The following NUP153 variants were observed in gnomAD, a reference collection of about 807,000 sequenced individuals.
NUP153 encodes the protein nuclear pore complex protein Nup153.
NUP153 carries 27 observed loss-of-function variants against 134.6 expected under a neutral mutation model. That is an observed-to-expected ratio of 0.20 (90% CI 0.15 to 0.28). The LOEUF is 0.28. Ranked by LOEUF, NUP153 falls within the 10% of genes least tolerant of loss-of-function variation. The pLI, the probability that NUP153 is intolerant of heterozygous loss-of-function variation, is 1.00. For synonymous variants in NUP153, 640 were observed against 623.5 expected (o/e 1.03, Z -0.40); for missense variants, 1,821 against 1,731.3 (o/e 1.05, Z -0.92).
At chr6:17,661,502 T>G (rs1320769406) in intron 11 of NUP153, 151 bp downstream of exon 11, 2 of 626,750 alleles carry the variant, frequency 3.2e-6, no homozygotes, top group Admixed American at 3.0e-5. Flanking sequence ...CTAGATTAGG[T>G]TTTCAGCATG....
At chr6:17,688,117 C>CA (rs1297869640) in intron 2 of NUP153, among the ~76,000 whole-genome samples, 6 of 149,346 alleles carry the variant, frequency 4.0e-5, no homozygotes, top group African/African-American at 1.2e-4. Flanking sequence ...GACTCCGTCT[C>CA]AAAAAACAAA....
chr6:17,700,116 T>C (rs1769952905), intron 1 of NUP153, among the ~76,000 whole-genome samples: 1 of 152,112 alleles, frequency 6.6e-6, no homozygotes, highest in Non-Finnish European at 1.5e-5. Context: ...AGCAGGAAAA[T>C]TCAGAGACAA....
chr6:17,652,030 A>G (rs1766521561), intron 11 of NUP153: 3 of 407,330 alleles, frequency 7.4e-6, no homozygotes, highest in African/African-American at 6.1e-5. Flanking sequence ...AGCCTGGGTG[A>G]CAGAGTGACA....
At position 17,665,289 on chromosome 6, in the gene NUP153, G is replaced by C; in HGVS notation, c.1165C>G (p.Pro389Ala). 6.2e-7 allele frequency: 1 copy of C among 1,611,748 alleles called. No individual in the cohort carries two copies. The change falls in exon 9 of 22, where the codon CCT becomes GCT. Residue 389 changes from proline to alanine, a missense_variant. Coordinates refer to ENST00000262077, the MANE Select transcript of NUP153 (RefSeq NM_005124.4). Reference protein sequence around the residue: ...RSVYFKPSLTPSGEFRKTNQR... With the variant: ...RSVYFKPSLTASGEFRKTNQR... ...TTAGTCTTCCTGAATTCACCAGAAG[G>C]AGTCAGAGATGGTTTAAAATAAACA... is the stretch of plus-strand genomic sequence containing the variant.
intron 20 of NUP153, among the ~76,000 whole-genome samples, chr6:17,623,861 A>G (rs1055188769): frequency 2.6e-5 from 4 of 152,220 alleles, no homozygotes; most frequent in African/African-American, 9.6e-5. Context: ...ATAAAACCCA[A>G]AGAACAGTGA....
At chr6:17,647,470 C>T (rs550289939) in intron 13 of NUP153, among the ~76,000 whole-genome samples, 1 of 152,134 alleles carries the variant, frequency 6.6e-6, no homozygotes, top group South Asian at 2.1e-4. Context: ...TGGACCATGT[C>T]GTTATTATAT....
intron 2 of NUP153, among the ~76,000 whole-genome samples, chr6:17,681,519 T>A (rs200208320): frequency 2.0e-5 from 3 of 151,706 alleles, no homozygotes; most frequent in African/African-American, 7.3e-5. Flanking sequence ...CAGATGGAGG[T>A]TGCAGTGAGC....
At chr6:17,639,901 AGTTTGTAAT>A in intron 15 of NUP153, 29 bp downstream of exon 15, 2 of 1,562,730 alleles carry the variant, frequency 1.3e-6, no homozygotes, top group Non-Finnish European at 1.7e-6. Context: ...TGAGATCATG[AGTTTGTAAT>A]CAAAAGGCTT....
Position 17,629,214 on chromosome 6 carries a change from T to C in NUP153, c.2985A>G (p.Leu995=). 6 of 1,613,570 alleles carry C rather than the reference T, an allele frequency of 3.7e-6. No individual in the cohort carries two copies. The highest frequency in any genetic ancestry group is 4.2e-6 in the Non-Finnish European group (5 of 1,179,862). The change falls in exon 18 of 22, where the codon TTA becomes TTG. Residue 995 remains leucine, a synonymous_variant. Coordinates refer to ENST00000262077, the MANE Select transcript of NUP153 (RefSeq NM_005124.4). ...LSSGLSNPVS[L]TPFQFGVSNL... is the part of the protein sequence containing the mutation. ...TAGATACCCCAAATTGAAATGGAGT[T>C]AAAGAAACTGGGTTGCTTAAACCAG...
At chr6:17,645,010 G>A (rs1019837111) in intron 14 of NUP153, among the ~76,000 whole-genome samples, 1 of 152,086 alleles carries the variant, frequency 6.6e-6, no homozygotes, top group Non-Finnish European at 1.5e-5. Context: ...GCATGAACCT[G>A]GGAGGCGGAG....
intron 20 of NUP153, among the ~76,000 whole-genome samples, chr6:17,619,124 G>A (rs1222760420): frequency 2.6e-5 from 4 of 152,174 alleles, no homozygotes; most frequent in Non-Finnish European, 5.9e-5. Context: ...ATTCCAGAAA[G>A]AAGAAACAGG....
intron 1 of NUP153, among the ~76,000 whole-genome samples, chr6:17,691,465 A>T (rs1210702220): frequency 6.6e-6 from 1 of 152,108 alleles, no homozygotes; most frequent in Admixed American, 6.6e-5. Context: ...GCTATAATAC[A>T]GTTTAAGACA....
chr6:17,632,686 C>T lies in NUP153; in HGVS notation c.2623G>A (p.Glu875Lys), dbSNP rs1396159923. ...KADSTKCLACESAKPGTKSGF... is the reference protein window; with the variant it reads ...KADSTKCLACKSAKPGTKSGF... ...GATTTTGTGCCTGGCTTTGCACTTT[C>T]ACATGCCAAACATTTGGTAGAGTCT... The change falls in exon 17 of 22, where the codon GAA becomes AAA. Residue 875 changes from glutamate (E) to lysine (K), a missense_variant. Glu to Lys is a moderately conservative substitution (Grantham distance 56). Transcript: ENST00000262077. 6.2e-7 allele frequency: 1 copy of T among 1,612,036 alleles called. No homozygotes were observed. The highest frequency in any genetic ancestry group is 8.5e-7 in the Non-Finnish European group (1 of 1,179,446).
chr6:17,669,278 T>TA lies in NUP153; in HGVS notation c.1014+14dup, dbSNP rs1767749842. Reference sequence around the variant, plus strand: ...ATGAACAATATTTTGTAAAAAGGTTTAAATCTCAACTTACAGAATTCAGAG... The same window carrying TA: ...ATGAACAATATTTTGTAAAAAGGTTTAAAATCTCAACTTACAGAATTCAGAG... On this transcript the variant is annotated intron_variant, in intron 7 of 21. Coordinates refer to ENST00000262077, the MANE Select transcript of NUP153 (RefSeq NM_005124.4). 2 of 1,604,890 alleles carry TA rather than the reference T, an allele frequency of 1.2e-6. No individual in the cohort carries two copies. The highest frequency in any genetic ancestry group is 4.5e-5 in the East Asian group (2 of 44,816).
At chr6:17,643,426 TG>T (rs1418096883) in intron 14 of NUP153, among the ~76,000 whole-genome samples, 3 of 152,194 alleles carry the variant, frequency 2.0e-5, no homozygotes, top group Non-Finnish European at 1.5e-5. Flanking sequence ...GAGCTGAGAT[TG>T]TGCAACTGCA....
At chr6:17,690,031 T>C (rs961971405) in intron 1 of NUP153, among the ~76,000 whole-genome samples, 2 of 152,066 alleles carry the variant, frequency 1.3e-5, no homozygotes, top group African/African-American at 4.8e-5. Context: ...TTGCCCAAAG[T>C]AGAAACACAA....
At chr6:17,642,624 T>C (rs969910919) in intron 14 of NUP153, among the ~76,000 whole-genome samples, 3 of 152,244 alleles carry the variant, frequency 2.0e-5, no homozygotes, top group Admixed American at 6.5e-5. Flanking sequence ...GAAAACAGTT[T>C]AGTGATTCTT....
At chr6:17,689,408 T>C (rs1006683589) in intron 1 of NUP153, among the ~76,000 whole-genome samples, 5 of 147,446 alleles carry the variant, frequency 3.4e-5, no homozygotes, top group East Asian at 4.3e-4. Context: ...ACAAAACAAA[T>C]AAACAAACAA....
At chr6:17,631,505 A>C (rs553857071) in intron 17 of NUP153, among the ~76,000 whole-genome samples, 16 of 152,156 alleles carry the variant, frequency 1.1e-4, no homozygotes, top group African/African-American at 3.4e-4. Context: ...TCTACCCCCC[A>C]TCCCATCCTC....
Sources: gnomAD v4.1 joint callset for allele counts (sites outside exome capture counted in the v4.1 genomes callset) on GRCh38, gnomAD v4.1.1 for gene constraint, MANE v1.5 for transcripts, NCBI Gene and HGNC (gene_info 2026-07-23, HGNC 2026-07-21) for gene names.